LHPP: variants seen among roughly 807,000 people sequenced by gnomAD.
LHPP encodes phospholysine phosphohistidine inorganic pyrophosphate phosphatase.
A neutral mutation model predicts 30.3 loss-of-function variants in LHPP; 24 were observed. The ratio of observed to expected loss-of-function variants is 0.79; its 90% CI spans 0.57 to 1.11. The LOEUF is 1.11. Among genes scored for constraint, LHPP ranks in the 50% most tolerant of loss-of-function variants. The pLI, the probability that LHPP is intolerant of heterozygous loss-of-function variation, is 0.00. For synonymous variants in LHPP, 150 were observed against 157.1 expected (o/e 0.95, Z 0.34); for missense variants, 356 against 367.2 (o/e 0.97, Z 0.25).
rs1381323111 is a variant in LHPP at position 124,596,064 on chromosome 10, C to T, written c.717-17200C>T. On this transcript the variant is annotated intron_variant, in intron 6 of 6. Coordinates refer to ENST00000368842, the MANE Select transcript of LHPP (RefSeq NM_022126.4). This position sits in a 1 kb window ranked among gnomAD's most constrained non-coding sequence, Gnocchi z 4.6. ...ATGAACACCCACCGTTCATTTCATC[C>T]GTGTTGTTCTGTGCAGCCAGACTCC... Among the ~76,000 whole-genome samples the T allele has an allele frequency of 1.3e-5, 2 of 152,150 alleles. No homozygotes were observed. Among genetic ancestry groups the T allele is most frequent in the South Asian group, 2.1e-4 (1 of 4,826 alleles).
chr10:124,572,705 G>A lies in LHPP; in HGVS notation c.717-40559G>A, dbSNP rs577473654. On this transcript the variant is annotated intron_variant, in intron 6 of 6. Transcript: ENST00000368842. ...AGGAAGGGAGGGAGGAAGGAAGGGA[G>A]GGAGGGAGAAAGGAGGAAGGGAGGG... Among the ~76,000 whole-genome samples the A allele has an allele frequency of 9.8e-4, 147 of 150,658 alleles. 1 individual carries two copies. The highest frequency in any genetic ancestry group is 3.5e-3 in the African/African-American group (143 of 41,006).
At chr10:124,483,461 A>G (rs1953205923) in intron 1 of LHPP, among the ~76,000 whole-genome samples, 1 of 152,112 alleles carries the variant, frequency 6.6e-6, no homozygotes, top group African/African-American at 2.4e-5. Context: ...CATGGATCTC[A>G]GGGGCTGGGT....
Position 124,517,124 on chromosome 10 carries a change from C to A in LHPP, c.625-56C>A. 1.7e-6 allele frequency: 2 copies of A among 1,182,810 alleles called. No homozygotes were observed. The highest frequency in any genetic ancestry group is 1.2e-6 in the Non-Finnish European group (1 of 846,424). The allele number at this position is 1,182,810 out of a possible 1,614,324, so 73.3% of individuals were successfully genotyped here. On this transcript the variant is annotated intron_variant, in intron 5 of 6. Coordinates refer to ENST00000368842, the MANE Select transcript of LHPP (RefSeq NM_022126.4). This position sits in a 1 kb window ranked among gnomAD's most constrained non-coding sequence, Gnocchi z 4.1. ...ATTATGTCAAAAAAAGATGAAGGAG[C>A]CCGGGAATAAAACTCTCCTGACATC...
intron 5 of LHPP, among the ~76,000 whole-genome samples, chr10:124,507,610 A>G (rs1359631185): frequency 5.9e-5 from 2 of 33,960 alleles, no homozygotes; most frequent in Non-Finnish European, 4.8e-5. Context: ...TGGAGGGTAG[A>G]CAGGATTTCA....
At chr10:124,487,230 C>T (rs962229536) in intron 2 of LHPP, among the ~76,000 whole-genome samples, 4 of 152,114 alleles carry the variant, frequency 2.6e-5, no homozygotes, top group Non-Finnish European at 4.4e-5. Flanking sequence ...TACCTAGCAG[C>T]GAAATTACTG....
chr10:124,474,627 G>A (rs898802501), intron 1 of LHPP, among the ~76,000 whole-genome samples: 4 of 151,998 alleles, frequency 2.6e-5, no homozygotes, highest in African/African-American at 9.7e-5. Flanking sequence ...TCTCCAAACA[G>A]CAGGTCCCAT....
At chr10:124,546,552 G>A (rs987831054) in intron 6 of LHPP, among the ~76,000 whole-genome samples, 2 of 152,070 alleles carry the variant, frequency 1.3e-5, no homozygotes, top group African/African-American at 4.8e-5. Context: ...ACAGGTGCCT[G>A]CCACCACGCC....
rs544464876 is a variant in LHPP at position 124,474,132 on chromosome 10, C to CTTT, written c.126-9984_126-9982dup. Among the ~76,000 whole-genome samples the CTTT allele has an allele frequency of 4.8e-3, 348 of 71,874 alleles. 2 individuals are homozygous for CTTT. Among genetic ancestry groups the CTTT allele is most frequent in the Non-Finnish European group, 6.2e-3 (241 of 39,164 alleles). 47.2% of individuals were successfully genotyped at this position (71,874 alleles called of 152,430 possible). ...ATTTTGAAGAGTGGGTTGCTTTGCC[C>CTTT]TTTTTTTTTTTTTTTTTTTTTTTTT... On this transcript the variant is annotated intron_variant, in intron 1 of 6. Transcript: ENST00000368842.
intron 6 of LHPP, among the ~76,000 whole-genome samples, chr10:124,600,519 T>G (rs1052490193): frequency 5.3e-5 from 8 of 152,226 alleles, no homozygotes; most frequent in Non-Finnish European, 1.0e-4. Context: ...TCCAGGGCAG[T>G]TGGTCTCCAG....
chr10:124,529,281 C>T (rs1954825875), intron 6 of LHPP, among the ~76,000 whole-genome samples: 2 of 151,812 alleles, frequency 1.3e-5, no homozygotes, highest in Admixed American at 6.6e-5. Flanking sequence ...GTGATCTGCC[C>T]ACCTCGGCCT....
At chr10:124,476,519 G>A (rs1952949440) in intron 1 of LHPP, among the ~76,000 whole-genome samples, 2 of 152,142 alleles carry the variant, frequency 1.3e-5, no homozygotes, top group Non-Finnish European at 2.9e-5. Context: ...GACTCCACCA[G>A]CCTGGTGCGC....
chr10:124,544,187 G>T (rs1269657082), intron 6 of LHPP, among the ~76,000 whole-genome samples: 2 of 152,102 alleles, frequency 1.3e-5, no homozygotes, highest in Non-Finnish European at 2.9e-5. Flanking sequence ...ACGGGTATGT[G>T]CCTCACCCGG....
chr10:124,537,587 T>C (rs1334761974), intron 6 of LHPP, among the ~76,000 whole-genome samples: 1 of 152,220 alleles, frequency 6.6e-6, no homozygotes, highest in East Asian at 1.9e-4. Flanking sequence ...CACAAGATGG[T>C]GTCTGCGGAC....
chr10:124,529,663 C>T (rs1181847462), intron 6 of LHPP, among the ~76,000 whole-genome samples: 1 of 152,160 alleles, frequency 6.6e-6, no homozygotes, highest in Non-Finnish European at 1.5e-5. Flanking sequence ...TGGGCCACAG[C>T]CATCCGTGAG....
intron 6 of LHPP, among the ~76,000 whole-genome samples, chr10:124,579,819 T>G (rs1948721743): frequency 2.0e-5 from 3 of 152,186 alleles, no homozygotes; most frequent in Non-Finnish European, 4.4e-5. Context: ...AACATGTATG[T>G]TCTGTTTTAC....
At chr10:124,564,831 T>C (rs1948463884) in intron 6 of LHPP, among the ~76,000 whole-genome samples, 1 of 152,228 alleles carries the variant, frequency 6.6e-6, no homozygotes, top group African/African-American at 2.4e-5. Context: ...AGTTATACCA[T>C]ATATTTAAAT....
At chr10:124,467,130 C>A (rs961963733) in intron 1 of LHPP, among the ~76,000 whole-genome samples, 2 of 151,346 alleles carry the variant, frequency 1.3e-5, no homozygotes, top group Admixed American at 1.3e-4. Context: ...AAAAAAAAAA[C>A]CATTGTTTTT....
chr10:124,530,685 G>T (rs1181808245), intron 6 of LHPP, among the ~76,000 whole-genome samples: 2 of 152,174 alleles, frequency 1.3e-5, no homozygotes, highest in Non-Finnish European at 2.9e-5. Context: ...GGGCCCTGGG[G>T]CCCCAGCTCC....
intron 6 of LHPP, among the ~76,000 whole-genome samples, chr10:124,568,456 T>G (rs1250997996): frequency 1.3e-5 from 2 of 152,052 alleles, no homozygotes; most frequent in Non-Finnish European, 2.9e-5. Context: ...TTTATGGAGG[T>G]GAAACCGCGC....
Sources: allele counts gnomAD v4.1 joint callset (sites outside exome capture counted in the v4.1 genomes callset), GRCh38; gene constraint gnomAD v4.1.1; non-coding constraint Gnocchi (gnomAD v3.1); transcripts MANE v1.5; gene names NCBI Gene and HGNC (gene_info 2026-07-23, HGNC 2026-07-21).